MSRA: variants seen among roughly 807,000 people sequenced by gnomAD.
The protein encoded by MSRA is mitochondrial peptide methionine sulfoxide reductase.
In MSRA, 54 loss-of-function variants were observed where a neutral mutation model predicts 31.3. The ratio of observed to expected loss-of-function variants is 1.73; its 90% confidence interval spans 1.39 to 2.17. The LOEUF (loss-of-function observed/expected upper bound fraction) is 2.17, where lower values mean the gene tolerates loss of function less well. MSRA is among the 30% of genes most tolerant of loss of function. The pLI is 0.00. For missense variants in MSRA, 507 were observed against 300.9 expected, an observed-to-expected ratio of 1.69 and a Z score of -5.07; for synonymous variants, 169 against 116.5, an observed-to-expected ratio of 1.45 and a Z score of -2.90.
At chr8:10,407,968 A>G (rs1807921995) in intron 5 of MSRA, among the ~76,000 whole-genome samples, 2 of 152,182 alleles carry the variant, frequency 1.3e-5, no homozygotes, top group South Asian at 2.1e-4. Context: ...GGTTAATAGG[A>G]TTGCAAAGAA....
chr8:10,290,712 G>A (rs1313566475), intron 3 of MSRA, among the ~76,000 whole-genome samples: 1 of 152,180 alleles, frequency 6.6e-6, no homozygotes, highest in African/African-American at 2.4e-5. Context: ...TGACAACAAG[G>A]CACACACAGA....
chr8:10,059,870 A>G (rs1563383467), intron 1 of MSRA, among the ~76,000 whole-genome samples: 1 of 152,232 alleles, frequency 6.6e-6, no homozygotes, highest in African/African-American at 2.4e-5. Context: ...TTTTAAGCAT[A>G]TAAAAAGATG....
intron 3 of MSRA, among the ~76,000 whole-genome samples, chr8:10,292,211 T>A (rs572827333): frequency 6.6e-6 from 1 of 152,284 alleles, no homozygotes; most frequent in East Asian, 1.9e-4. Flanking sequence ...TAGGGACTGG[T>A]CATTGGCAGG....
chr8:10,227,469 C>T (rs902313827), intron 2 of MSRA, among the ~76,000 whole-genome samples: 1 of 152,216 alleles, frequency 6.6e-6, no homozygotes, highest in Admixed American at 6.5e-5. Context: ...TGAAGATTTC[C>T]AGGGCATTGA....
At chr8:10,101,382 T>G (rs1799517526) in intron 1 of MSRA, among the ~76,000 whole-genome samples, 1 of 152,198 alleles carries the variant, frequency 6.6e-6, no homozygotes, top group African/African-American at 2.4e-5. Context: ...TGTGATAAAA[T>G]ATGCATAACA....
chr8:10,266,399 G>T (rs551591455), intron 3 of MSRA, among the ~76,000 whole-genome samples: 1 of 152,118 alleles, frequency 6.6e-6, no homozygotes, highest in South Asian at 2.1e-4. Context: ...TTCATAAATT[G>T]TCTGTTCAAA....
At chr8:10,310,464 G>A (rs1024957893) in intron 4 of MSRA, among the ~76,000 whole-genome samples, 31 of 152,106 alleles carry the variant, frequency 2.0e-4, no homozygotes, top group African/African-American at 7.5e-4. Context: ...AAATCCTTCT[G>A]TCATATAATA....
chr8:10,414,324 T>C (rs1341936325), intron 5 of MSRA, among the ~76,000 whole-genome samples: 2 of 152,214 alleles, frequency 1.3e-5, no homozygotes, highest in African/African-American at 4.8e-5. Flanking sequence ...CTTAACTTCC[T>C]CATTTTACGG....
At chr8:10,062,226 C>A (rs1321772424) in intron 1 of MSRA, among the ~76,000 whole-genome samples, 1 of 152,192 alleles carries the variant, frequency 6.6e-6, no homozygotes, top group East Asian at 1.9e-4. Flanking sequence ...GGCTCCTTCC[C>A]ATGCAGCAGC....
chr8:10,122,637 C>G (rs1427225284), intron 1 of MSRA, among the ~76,000 whole-genome samples: 1 of 151,844 alleles, frequency 6.6e-6, no homozygotes, highest in Non-Finnish European at 1.5e-5. Context: ...CACCCGGATA[C>G]CAAGCCTAGC....
chr8:10,231,305 T>G (rs1471982463), intron 2 of MSRA, among the ~76,000 whole-genome samples: 1 of 152,180 alleles, frequency 6.6e-6, no homozygotes, highest in Non-Finnish European at 1.5e-5. Context: ...GGAAACGGTT[T>G]CATTTGAGAT....
intron 1 of MSRA, among the ~76,000 whole-genome samples, chr8:10,086,098 T>G (rs949130814): frequency 1.1e-4 from 16 of 152,240 alleles, no homozygotes; most frequent in Non-Finnish European, 2.1e-4. Context: ...GTTCCTATGA[T>G]CAGTGTAACT....
intron 1 of MSRA, among the ~76,000 whole-genome samples, chr8:10,146,476 C>G (rs1384431143): frequency 6.6e-6 from 1 of 152,120 alleles, no homozygotes; most frequent in Non-Finnish European, 1.5e-5. Flanking sequence ...TGCCTGAAAT[C>G]CAGACACAGG....
intron 3 of MSRA, among the ~76,000 whole-genome samples, chr8:10,266,648 A>T (rs1198393681): frequency 6.6e-6 from 1 of 152,138 alleles, no homozygotes; most frequent in African/African-American, 2.4e-5. Flanking sequence ...CATATCTAAG[A>T]ACTATTTGTC....
At chr8:10,095,697 T>C in intron 1 of MSRA, 2 of 1,036,258 alleles carry the variant, frequency 1.9e-6, no homozygotes, top group Non-Finnish European at 2.3e-6. Flanking sequence ...CGTCCTGGGG[T>C]ACAGAAAAAC....
At chr8:10,346,554 A>G (rs1459079274) in intron 5 of MSRA, among the ~76,000 whole-genome samples, 1 of 152,212 alleles carries the variant, frequency 6.6e-6, no homozygotes, top group African/African-American at 2.4e-5. Flanking sequence ...GCCAGCCACT[A>G]GCCCTTGCGT....
chr8:10,377,509 A>G (rs904400816), intron 5 of MSRA, among the ~76,000 whole-genome samples: 1 of 152,140 alleles, frequency 6.6e-6, no homozygotes, highest in African/African-American at 2.4e-5. Flanking sequence ...TGGATGGGAG[A>G]GCCGGGGGCA....
At chr8:10,148,025 T>G (rs1299533739) in intron 1 of MSRA, among the ~76,000 whole-genome samples, 1 of 152,212 alleles carries the variant, frequency 6.6e-6, no homozygotes, top group Non-Finnish European at 1.5e-5. Flanking sequence ...CAGTCCAAAG[T>G]GACTCCATTG....
rs184653041 is a variant in MSRA at position 10,063,402 on chromosome 8, C to T, written c.142+8744C>T. Among the ~76,000 whole-genome samples, 71 of 152,358 alleles carry T rather than the reference C, an allele frequency of 4.7e-4. No individual in the cohort carries two copies. The South Asian group carries it at 0.011, about 24-fold the overall frequency. On this transcript the variant is annotated intron_variant, in intron 1 of 5. Coordinates refer to ENST00000317173, the MANE Select transcript of MSRA (RefSeq NM_012331.5). Reference sequence around the variant, plus strand: ...CTTGGACCTGTCCAATGACACTCTTCAATGCTGGACACTTGCTGTAATTTG... The same window carrying T: ...CTTGGACCTGTCCAATGACACTCTTTAATGCTGGACACTTGCTGTAATTTG...
Sources: gnomAD v4.1 joint callset for allele counts (sites outside exome capture counted in the v4.1 genomes callset) on GRCh38, gnomAD v4.1.1 for gene constraint, MANE v1.5 for transcripts, NCBI Gene and HGNC (gene_info 2026-07-23, HGNC 2026-07-21) for gene names.